Variants in ZNF385B observed in about 807,000 individuals in gnomAD.
ZNF385B encodes zinc finger protein 385B.
In ZNF385B, 23 loss-of-function variants were observed where a neutral mutation model predicts 39.2. The ratio of observed to expected loss-of-function variants is 0.59; its 90% CI spans 0.42 to 0.83. The LOEUF is 0.83. Ranked by LOEUF, ZNF385B falls within the 40% of genes least tolerant of loss-of-function variation. The probability of loss-of-function intolerance (pLI) is 0.00; values close to 1 mark genes in which losing one functional copy is unlikely to be tolerated. For missense variants in ZNF385B, 552 were observed against 598.9 expected (o/e 0.92, Z 0.82); for synonymous variants, 205 against 222.6 (o/e 0.92, Z 0.70).
rs368725630 is a variant in ZNF385B, at chr2:179,678,813, C to T, written c.298+90690G>A. Reference sequence around the variant, plus strand: ...TTATCAGTGGAGTTAAGGTTATATGCTCTTTGGGAAGTCATCCAACCTCCT... The same window carrying T: ...TTATCAGTGGAGTTAAGGTTATATGTTCTTTGGGAAGTCATCCAACCTCCT... On this transcript the variant is annotated intron_variant, in intron 3 of 9. Transcript: ENST00000410066. 6.6e-5 allele frequency among the ~76,000 whole-genome samples: 10 copies of T among 152,242 alleles called. No individual in the cohort carries two copies. In the East Asian group the frequency reaches 1.9e-3, roughly 29 times the overall value.
At chr2:179,583,677 G>T (rs1275492200) in intron 3 of ZNF385B, among the ~76,000 whole-genome samples, 1 of 152,136 alleles carries the variant, frequency 6.6e-6, no homozygotes, top group Non-Finnish European at 1.5e-5. Flanking sequence ...ATACAAACAT[G>T]TACATAGTTA....
intron 3 of ZNF385B, among the ~76,000 whole-genome samples, chr2:179,658,355 T>C (rs1694041251): frequency 6.6e-6 from 1 of 152,208 alleles, no homozygotes; most frequent in Non-Finnish European, 1.5e-5. Context: ...ACTGTCCTTG[T>C]TTAAAATCTC....
chr2:179,533,284 T>C (rs1459586350), intron 4 of ZNF385B, among the ~76,000 whole-genome samples: 1 of 152,196 alleles, frequency 6.6e-6, no homozygotes, highest in Non-Finnish European at 1.5e-5. Flanking sequence ...TGATGTAAGA[T>C]GTATCAGTTT....
intron 1 of ZNF385B, among the ~76,000 whole-genome samples, chr2:179,821,388 G>A (rs1338871231): frequency 6.6e-6 from 1 of 152,184 alleles, no homozygotes; most frequent in Non-Finnish European, 1.5e-5. Flanking sequence ...AAAGGATGCA[G>A]TGGGGAGTTC....
chr2:179,443,307 C>A lies in ZNF385B; in HGVS notation c.1404G>T (p.Arg468Ser). Residue 468 changes from arginine (R) to serine (S), a missense_variant, in exon 10 of 10, where the codon AGG becomes AGT. Coordinates refer to ENST00000410066, the MANE Select transcript of ZNF385B (RefSeq NM_152520.6). ...TGGCGCGGATGGGCCCATGCCCAGG[C>A]CTCAGAAGAGCTGGAGGAATGGCTG... The part of the protein sequence containing the change: ...QAPAIPPALL[R>S]PGHGPIRATP... 2 of 1,612,608 alleles carry A rather than the reference C, an allele frequency of 1.2e-6. No homozygotes were observed. Among genetic ancestry groups the A allele is most frequent in the Non-Finnish European group, 1.7e-6 (2 of 1,179,838 alleles).
intron 3 of ZNF385B, among the ~76,000 whole-genome samples, chr2:179,612,275 C>T (rs187799640): frequency 3.0e-3 from 453 of 152,218 alleles, no homozygotes; most frequent in Non-Finnish European, 5.4e-3. Context: ...GGCCTTAATG[C>T]GTGTGGATGT....
At chr2:179,629,270 C>G (rs995694774) in intron 3 of ZNF385B, among the ~76,000 whole-genome samples, 4 of 152,180 alleles carry the variant, frequency 2.6e-5, no homozygotes, top group Middle Eastern at 3.2e-3. Context: ...ACAGATGACA[C>G]CTACAGAGTA....
intron 3 of ZNF385B, among the ~76,000 whole-genome samples, chr2:179,572,809 C>T (rs1315412596): frequency 2.6e-5 from 4 of 151,884 alleles, no homozygotes; most frequent in African/African-American, 9.7e-5. Flanking sequence ...GTGTGCTAGA[C>T]TGTATGGTCC....
At chr2:179,528,958 A>T (rs2059095762) in intron 4 of ZNF385B, among the ~76,000 whole-genome samples, 1 of 152,226 alleles carries the variant, frequency 6.6e-6, no homozygotes, top group East Asian at 1.9e-4. Context: ...GAGCTTTTCA[A>T]AAAGTTCAGT....
At chr2:179,734,424 C>T (rs1043343383) in intron 3 of ZNF385B, among the ~76,000 whole-genome samples, 2 of 152,186 alleles carry the variant, frequency 1.3e-5, no homozygotes, top group Admixed American at 6.5e-5. Flanking sequence ...GTGCCCCATG[C>T]CCACATACTA....
At chr2:179,512,720 G>A (rs1051412727) in intron 5 of ZNF385B, among the ~76,000 whole-genome samples, 1 of 152,100 alleles carries the variant, frequency 6.6e-6, no homozygotes, top group Non-Finnish European at 1.5e-5. Context: ...AAGAAAGCAG[G>A]GCTTGAGGTG....
chr2:179,455,293 G>A (rs1003699146), intron 6 of ZNF385B, among the ~76,000 whole-genome samples: 5 of 151,930 alleles, frequency 3.3e-5, no homozygotes, highest in East Asian at 1.9e-4. Flanking sequence ...TGTCCCCACC[G>A]AGATCTCATC....
At chr2:179,842,903 T>A (rs995797734) in intron 1 of ZNF385B, among the ~76,000 whole-genome samples, 1 of 152,212 alleles carries the variant, frequency 6.6e-6, no homozygotes, top group Non-Finnish European at 1.5e-5. Flanking sequence ...ACTGATGGAC[T>A]AAAGGCCTCT....
chr2:179,773,199 C>A (rs187686034), intron 1 of ZNF385B, among the ~76,000 whole-genome samples: 1 of 152,114 alleles, frequency 6.6e-6, no homozygotes, highest in African/African-American at 2.4e-5. Context: ...GAAACTGATC[C>A]AGAGGTAAAG....
chr2:179,750,628 C>T (rs146095081), intron 3 of ZNF385B, among the ~76,000 whole-genome samples: 38 of 152,074 alleles, frequency 2.5e-4, no homozygotes, highest in African/African-American at 8.9e-4. Context: ...TAAGTCTGTC[C>T]CTTCACTAAA....
chr2:179,567,507 T>G (rs1036511763), intron 3 of ZNF385B, among the ~76,000 whole-genome samples: 2 of 152,134 alleles, frequency 1.3e-5, no homozygotes, highest in Admixed American at 1.3e-4. Context: ...CACATAAAAT[T>G]TAATGCAAAT....
At chr2:179,538,013 T>C (rs1345429125) in intron 4 of ZNF385B, among the ~76,000 whole-genome samples, 6 of 152,160 alleles carry the variant, frequency 3.9e-5, no homozygotes, top group Admixed American at 3.3e-4. Context: ...TTTAGTTCTA[T>C]GCACTCCTTT....
In ZNF385B at chr2:179,473,663, T is replaced by TC. The variant is rs199807536; in HGVS notation, c.715+9608dup. 7.8e-3 allele frequency among the ~76,000 whole-genome samples: 1,184 copies of TC among 151,974 alleles called. 12 individuals are homozygous for TC. The highest frequency in any genetic ancestry group is 0.026 in the African/African-American group (1,093 of 41,418). On this transcript the variant is annotated intron_variant, in intron 6 of 9. Coordinates refer to ENST00000410066, the MANE Select transcript of ZNF385B (RefSeq NM_152520.6). ...ACATTAGATATTTCTCCTAATGTCA[T>TC]CCCCCCCCATTGCCCCTACCCTCTG... is the stretch of plus-strand genomic sequence containing the variant.
chr2:179,748,583 A>T (rs938194588), intron 3 of ZNF385B, among the ~76,000 whole-genome samples: 1 of 152,136 alleles, frequency 6.6e-6, no homozygotes, highest in Non-Finnish European at 1.5e-5. Context: ...ATATGCTATA[A>T]ACTACTTGCA....
Sources: allele counts gnomAD v4.1 joint callset (sites outside exome capture counted in the v4.1 genomes callset), GRCh38; gene constraint gnomAD v4.1.1; transcripts MANE v1.5; gene names NCBI Gene and HGNC (gene_info 2026-07-23, HGNC 2026-07-21).